The following PCDHGB7 variants were observed in gnomAD, a reference collection of about 807,000 sequenced individuals.
PCDHGB7 encodes protocadherin gamma subfamily B, 7, also known as protocadherin gamma-B7.
PCDHGB7 carries 37 observed loss-of-function variants against 61.4 expected under a neutral mutation model. The observed-to-expected ratio is 0.60, with a 90% CI of 0.46 to 0.79. The LOEUF (loss-of-function observed/expected upper bound fraction) is 0.79. Among genes scored for constraint, PCDHGB7 ranks in the 30% least tolerant of loss-of-function variants. The probability of loss-of-function intolerance (pLI) is 0.00; values close to 1 mark genes in which losing one functional copy is unlikely to be tolerated. For missense variants in PCDHGB7, 1,166 were observed against 1,202.5 expected (o/e 0.97, Z 0.45); for synonymous variants, 464 against 503.5 (o/e 0.92, Z 1.05).
At chr5:141,435,050 C>A (rs2154556494) in intron 1 of PCDHGB7, among the ~76,000 whole-genome samples, 1 of 151,994 alleles carries the variant, frequency 6.6e-6, no homozygotes, top group East Asian at 1.9e-4. Flanking sequence ...TCCCATTGAC[C>A]ATGCAGCAGT....
chr5:141,480,241 A>C (rs895691864), intron 1 of PCDHGB7, among the ~76,000 whole-genome samples: 58 of 97,306 alleles, frequency 6.0e-4, no homozygotes, highest in African/African-American at 2.2e-3. Context: ...CTGTCTCTAC[A>C]AAAAAAAAAA....
intron 2 of PCDHGB7, among the ~76,000 whole-genome samples, chr5:141,502,908 C>G (rs1398336138): frequency 1.5e-5 from 2 of 132,418 alleles, no homozygotes; most frequent in Non-Finnish European, 3.0e-5. Flanking sequence ...TGTTGCCAGG[C>G]TGGAGTGCAG....
chr5:141,424,084 A>G, intron 1 of PCDHGB7: 1 of 929,764 alleles, frequency 1.1e-6, no homozygotes, highest in Non-Finnish European at 1.3e-6. Context: ...ATATTCCACC[A>G]TTATTTGCTA....
chr5:141,493,440 G>A lies in PCDHGB7; in HGVS notation c.2416-1367G>A, dbSNP rs2099748297. The stretch of plus-strand genomic sequence containing the variant: ...TTTTGCTTCTGCTGGGATGGGGCAA[G>A]GGTGGGGTTCCTTCCCTTTTAGGAC... On this transcript the variant is annotated intron_variant, in intron 1 of 3. Coordinates refer to ENST00000398594, the MANE Select transcript of PCDHGB7 (RefSeq NM_018927.4). The surrounding 1 kb of genome is among the most constrained non-coding windows in gnomAD (Gnocchi z 4.3). Among the ~76,000 whole-genome samples, 1 of 152,208 alleles carries A rather than the reference G, an allele frequency of 6.6e-6. No homozygotes were observed. Among genetic ancestry groups the A allele is most frequent in the African/African-American group, 2.4e-5 (1 of 41,450 alleles).
chr5:141,427,197 A>C (rs1277186420), intron 1 of PCDHGB7: 4 of 456,762 alleles, frequency 8.8e-6, no homozygotes, highest in Admixed American at 2.3e-5. Context: ...CAAAGACTTA[A>C]TAGACTTCGA....
chr5:141,419,481 C>A lies in PCDHGB7; in HGVS notation c.1622C>A (p.Ala541Glu), dbSNP rs2096389716. The A allele has an allele frequency of 2.5e-6, 4 of 1,612,424 alleles. No homozygotes were observed. The highest frequency in any genetic ancestry group is 3.4e-6 in the Non-Finnish European group (4 of 1,179,506). The change falls in exon 1 of 4, where the codon GCG becomes GAG. Residue 541 changes from alanine to glutamate, a missense_variant. Ala to Glu is a moderately radical substitution (Grantham distance 107). Coordinates refer to ENST00000398594, the MANE Select transcript of PCDHGB7 (RefSeq NM_018927.4). The stretch of plus-strand genomic sequence containing the variant: ...CAGGCCCGCGACCAGGGCTCGCCCG[C>A]GCTCAGCGCCAATGTGAGCCTGCGC... ...TLQARDQGSP[A>E]LSANVSLRVL...
At chr5:141,421,407 G>T in intron 1 of PCDHGB7, 1 of 1,614,076 alleles carries the variant, frequency 6.2e-7, no homozygotes. Flanking sequence ...CCCGGGAGCT[G>T]GCGAAGCGCG....
Position 141,485,113 on chromosome 5 carries a change from T to G in PCDHGB7, c.2416-9694T>G. On this transcript the variant is annotated intron_variant, in intron 1 of 3. Transcript: ENST00000398594. This position sits in a 1 kb window ranked among gnomAD's most constrained non-coding sequence, Gnocchi z 5.7. ...AGGTGTCTCCAGCTGCTGTGGCTGTTTGGGGCGGGTCGGCTTCATCCGCGT... is the reference window on the plus strand; with the variant it reads ...AGGTGTCTCCAGCTGCTGTGGCTGTGTGGGGCGGGTCGGCTTCATCCGCGT... 1 of 1,286,014 alleles carries G rather than the reference T, an allele frequency of 7.8e-7. No individual in the cohort carries two copies. Among genetic ancestry groups the G allele is most frequent in the Non-Finnish European group, 1.1e-6 (1 of 898,642 alleles). 79.7% of individuals were successfully genotyped at this position (1,286,014 alleles called of 1,614,324 possible). A position where few individuals can be genotyped will look rare whatever the true frequency, so the allele number is the denominator to read the frequency against.
intron 1 of PCDHGB7, chr5:141,427,298 G>C (rs960474831): frequency 4.4e-6 from 2 of 456,752 alleles, no homozygotes; most frequent in East Asian, 1.4e-4. Context: ...TCCTAGATGA[G>C]AATGACAATG....
At chr5:141,435,941 A>G (rs1354198135) in intron 1 of PCDHGB7, among the ~76,000 whole-genome samples, 1 of 152,170 alleles carries the variant, frequency 6.6e-6, no homozygotes, top group Non-Finnish European at 1.5e-5. Flanking sequence ...TGCTTCTGAG[A>G]CCAAAAAAGG....
chr5:141,454,796 A>ATTTTTCT (rs2098799790), intron 1 of PCDHGB7, among the ~76,000 whole-genome samples: 1 of 77,408 alleles, frequency 1.3e-5, no homozygotes, highest in African/African-American at 5.9e-5. Context: ...CATGGTTCTA[A>ATTTTTCT]TTTTTTTTTT....
rs568123995 is a variant in PCDHGB7 at position 141,511,539 on chromosome 5, C to G, written c.*366C>G. The G allele has an allele frequency of 3.0e-5, 10 of 328,342 alleles. No individual in the cohort carries two copies. The highest frequency in any genetic ancestry group is 2.1e-4 in the African/African-American group (10 of 47,452). The allele number at this position is 328,342 out of a possible 1,614,324, so 20.3% of individuals were successfully genotyped here. ...CATCCCATGCCTCCCTCCTCCCCAC[C>G]CCACTCCAACAGTTCCTCTTTCCCG... On this transcript the variant is annotated 3_prime_UTR_variant, in exon 4 of 4. Transcript: ENST00000398594.
At position 141,431,639 on chromosome 5, in the gene PCDHGB7, C is replaced by T; in HGVS notation, c.2415+11365C>T. 1 of 1,614,262 alleles carries T rather than the reference C, an allele frequency of 6.2e-7. No homozygotes were observed. The highest frequency in any genetic ancestry group is 8.5e-7 in the Non-Finnish European group (1 of 1,180,046). On this transcript the variant is annotated intron_variant, in intron 1 of 3. Transcript: ENST00000398594. This position sits in a 1 kb window ranked among gnomAD's most constrained non-coding sequence, Gnocchi z 4.8. Reference sequence around the variant, plus strand: ...CGACAAGGCGGCCCAAGTTTTCAAACTAGATTGTAATTCAGGGACAATATC... The same window carrying T: ...CGACAAGGCGGCCCAAGTTTTCAAATTAGATTGTAATTCAGGGACAATATC...
At chr5:141,451,288 C>G (rs1308574266) in intron 1 of PCDHGB7, among the ~76,000 whole-genome samples, 3 of 152,200 alleles carry the variant, frequency 2.0e-5, no homozygotes, top group Non-Finnish European at 4.4e-5. Context: ...GCCTCTGCCT[C>G]AAAGTCTTAC....
At position 141,419,183 on chromosome 5, in the gene PCDHGB7, A is replaced by G. The variant is rs1453963573; in HGVS notation, c.1324A>G (p.Ile442Val). The change falls in exon 1 of 4, where the codon ATT (isoleucine) becomes GTT (valine). Residue 442 changes from isoleucine to valine, a missense_variant. Coordinates refer to ENST00000398594, the MANE Select transcript of PCDHGB7 (RefSeq NM_018927.4). ...CTCCAGCAAAACCATAACCCTGCAC[A>G]TTACTGACGTCAATGACAACGCGCC... ...LSSSKTITLH[I>V]TDVNDNAPVF... is the part of the protein sequence containing the mutation. The G allele has an allele frequency of 1.9e-6, 3 of 1,613,958 alleles. No homozygotes were observed. The highest frequency in any genetic ancestry group is 1.7e-6 in the Non-Finnish European group (2 of 1,179,902).
chr5:141,503,608 A>G (rs1451651299), intron 2 of PCDHGB7, among the ~76,000 whole-genome samples: 3 of 151,994 alleles, frequency 2.0e-5, no homozygotes, highest in South Asian at 2.1e-4. Flanking sequence ...CAAAAAAAAA[A>G]AAAAAAGAAA....
At chr5:141,440,472 A>C (rs913774913) in intron 1 of PCDHGB7, 6 of 152,322 alleles carry the variant, frequency 3.9e-5, no homozygotes, top group Admixed American at 3.9e-4. Flanking sequence ...ACGGTAGTTG[A>C]AAATTCTTTA....
Position 141,489,090 on chromosome 5 carries a change from C to CAAA in PCDHGB7, c.2416-5717_2416-5716insAAA. ...CCTGCCCACCCCCGCCACTCGGTGA[C>CAAA]TAAGAACTGCTGCAAGCAGGCAAAC... is the stretch of plus-strand genomic sequence containing the variant. On this transcript the variant is annotated intron_variant, in intron 1 of 3. Transcript: ENST00000398594. The surrounding 1 kb of genome is among the most constrained non-coding windows in gnomAD (Gnocchi z 4.5). 7 of 328,768 alleles carry CAAA rather than the reference C, an allele frequency of 2.1e-5. No homozygotes were observed. The highest frequency in any genetic ancestry group is 6.1e-5 in the Admixed American group (1 of 16,494). The allele number at this position is 328,768 out of a possible 1,614,324, so 20.4% of individuals were successfully genotyped here. A position where few individuals can be genotyped will look rare whatever the true frequency, so the allele number is the denominator to read the frequency against.
At chr5:141,423,711 T>C (rs1479409204) in intron 1 of PCDHGB7, 1 of 1,330,004 alleles carries the variant, frequency 7.5e-7, no homozygotes, top group Non-Finnish European at 9.6e-7. Flanking sequence ...GCACAAGTCT[T>C]TTAAGGAGAT....
Sources: gnomAD v4.1 joint callset for allele counts (sites outside exome capture counted in the v4.1 genomes callset) on GRCh38, gnomAD v4.1.1 for gene constraint, Gnocchi (gnomAD v3.1) non-coding constraint, MANE v1.5 for transcripts, NCBI Gene and HGNC (gene_info 2026-07-23, HGNC 2026-07-21) for gene names.